The following DCC variants were observed in gnomAD, a reference collection of about 807,000 sequenced individuals.
The protein encoded by DCC is netrin receptor DCC.
In DCC, 58 loss-of-function variants were observed where a neutral mutation model predicts 172.5. The ratio of observed to expected loss-of-function variants is 0.34; its 90% CI spans 0.27 to 0.42. DCC has a LOEUF of 0.42. Among genes scored for constraint, DCC ranks in the 10% least tolerant of loss-of-function variants. DCC has a pLI of 1.00. For missense variants in DCC, 1,740 were observed against 1,791.0 expected (o/e 0.97, Z 0.51); for synonymous variants, 709 against 644.5 (o/e 1.10, Z -1.52).
intron 21 of DCC, among the ~76,000 whole-genome samples, chr18:53,432,923 G>C (rs183528814): frequency 7.3e-4 from 111 of 152,192 alleles, no homozygotes; most frequent in African/African-American, 2.5e-3. Context: ...AATGGGTTTT[G>C]TGGTTTTTTG....
At chr18:52,689,739 G>A (rs1040870769) in intron 1 of DCC, among the ~76,000 whole-genome samples, 1 of 152,054 alleles carries the variant, frequency 6.6e-6, no homozygotes, top group African/African-American at 2.4e-5. Flanking sequence ...TAATATTACT[G>A]GTCTCATGTT....
In DCC at chr18:52,752,134, C is replaced by T; in HGVS notation, c.172C>T (p.Leu58Phe). 2 of 1,614,154 alleles carry T rather than the reference C, an allele frequency of 1.2e-6. No homozygotes were observed. Among genetic ancestry groups the T allele is most frequent in the South Asian group, 1.1e-5 (1 of 91,080 alleles). Reference protein sequence around the residue: ...DAVTMRGGNVLLDCSAESDRG... With the variant: ...DAVTMRGGNVFLDCSAESDRG... ...CGTCACAATGCGGGGAGGAAATGTC[C>T]TCCTCGACTGCTCCGCGGAGTCCGA... Residue 58 changes from leucine to phenylalanine, a missense_variant, in exon 2 of 29, where the codon CTC becomes TTC. Coordinates refer to ENST00000442544, the MANE Select transcript of DCC (RefSeq NM_005215.4).
intron 2 of DCC, among the ~76,000 whole-genome samples, chr18:52,807,686 T>C (rs540981506): frequency 2.0e-5 from 3 of 152,332 alleles, no homozygotes; most frequent in Admixed American, 2.0e-4. Context: ...CATATTCTTC[T>C]CTTTTTGCCT....
intron 13 of DCC, among the ~76,000 whole-genome samples, chr18:53,313,100 G>C (rs2057301448): frequency 1.3e-5 from 2 of 149,620 alleles, no homozygotes; most frequent in Admixed American, 1.3e-4. Context: ...GGAAGGGAGG[G>C]AAGGAAAGAA....
At chr18:52,863,816 A>G (rs139169719) in intron 2 of DCC, among the ~76,000 whole-genome samples, 120 of 152,152 alleles carry the variant, frequency 7.9e-4, no homozygotes, top group African/African-American at 2.7e-3. Context: ...TCATTTTTGT[A>G]TTACTGTCTG....
Position 52,752,083 on chromosome 18 carries a change from C to G in DCC, c.121C>G (p.Arg41Gly), listed in dbSNP as rs962808767. ...GFQIKAFTAL[R>G]FLSEPSDAVT... Reference sequence around the variant, plus strand: ...TCAAATTAAAGCTTTCACAGCACTGCGCTTCCTCTCAGAACCTTCTGATGC... The same window carrying G: ...TCAAATTAAAGCTTTCACAGCACTGGGCTTCCTCTCAGAACCTTCTGATGC... The change falls in exon 2 of 29, where the codon CGC becomes GGC. Residue 41 changes from arginine (R) to glycine (G), a missense_variant. Physicochemically the swap from Arg to Gly is moderately radical, Grantham distance 125 (BLOSUM62 -2). Transcript: ENST00000442544. 1.1e-5 allele frequency: 17 copies of G among 1,613,976 alleles called. No individual in the cohort carries two copies. Among genetic ancestry groups the G allele is most frequent in the Non-Finnish European group, 1.4e-5 (16 of 1,180,012 alleles).
At chr18:53,478,286 G>A (rs185339428) in intron 25 of DCC, among the ~76,000 whole-genome samples, 2 of 152,268 alleles carry the variant, frequency 1.3e-5, no homozygotes, top group Admixed American at 6.5e-5. Flanking sequence ...TTGGGTGAGC[G>A]ACTTAATTTG....
At chr18:53,015,306 A>G (rs1307878291) in intron 5 of DCC, among the ~76,000 whole-genome samples, 1 of 152,238 alleles carries the variant, frequency 6.6e-6, no homozygotes, top group Non-Finnish European at 1.5e-5. Flanking sequence ...AGAGAGTTTT[A>G]GAATGAACAT....
intron 1 of DCC, among the ~76,000 whole-genome samples, chr18:52,585,683 A>G (rs2033652579): frequency 6.6e-6 from 1 of 152,172 alleles, no homozygotes. Context: ...TCCCTCACCC[A>G]ATAATTAAAG....
At chr18:52,420,995 A>G (rs62083537) in intron 1 of DCC, among the ~76,000 whole-genome samples, 7,141 of 152,238 alleles carry the variant, frequency 0.047, 243 homozygotes, top group Non-Finnish European at 0.07. Flanking sequence ...CAGTGAATTC[A>G]GGACCTTGGT....
intron 27 of DCC, among the ~76,000 whole-genome samples, chr18:53,511,313 T>G (rs1461376840): frequency 6.6e-6 from 1 of 152,222 alleles, no homozygotes; most frequent in East Asian, 1.9e-4. Flanking sequence ...TCTTCCTCCC[T>G]CCCTGACTAC....
intron 8 of DCC, among the ~76,000 whole-genome samples, chr18:53,163,356 A>G (rs1568339913): frequency 1.3e-5 from 2 of 152,214 alleles, no homozygotes; most frequent in Non-Finnish European, 2.9e-5. Flanking sequence ...AAAAAAGTTG[A>G]TATTAAAATT....
intron 5 of DCC, among the ~76,000 whole-genome samples, chr18:52,987,110 CCG>C (rs1299844202): frequency 6.6e-5 from 10 of 152,138 alleles, no homozygotes; most frequent in African/African-American, 2.2e-4. Flanking sequence ...GCGTGAGACT[CCG>C]CGCCTGGCCC....
At chr18:53,152,362 C>T (rs10502959) in intron 7 of DCC, among the ~76,000 whole-genome samples, 47,147 of 151,890 alleles carry the variant, frequency 0.31, 9,151 homozygotes, top group East Asian at 0.59. Context: ...TGTATAATAA[C>T]GTGTGACAGA....
At chr18:52,782,140 G>T (rs1219654374) in intron 2 of DCC, among the ~76,000 whole-genome samples, 2 of 152,158 alleles carry the variant, frequency 1.3e-5, no homozygotes, top group Non-Finnish European at 2.9e-5. Flanking sequence ...GCACAAAGGT[G>T]CTTCCTAAAC....
chr18:52,826,115 A>G (rs2038504354), intron 2 of DCC, among the ~76,000 whole-genome samples: 1 of 152,216 alleles, frequency 6.6e-6, no homozygotes, highest in Non-Finnish European at 1.5e-5. Flanking sequence ...TTTACTGAAG[A>G]TGCTATTTTA....
chr18:52,753,597 C>A (rs1360414118), intron 2 of DCC, among the ~76,000 whole-genome samples: 5 of 152,110 alleles, frequency 3.3e-5, no homozygotes, highest in African/African-American at 1.2e-4. Flanking sequence ...ATATACATGT[C>A]AAGTAAGAAA....
chr18:53,404,736 T>TA (rs200727399), intron 19 of DCC, among the ~76,000 whole-genome samples: 1 of 83,864 alleles, frequency 1.2e-5, no homozygotes, highest in Non-Finnish European at 3.5e-5. Flanking sequence ...GTCTCAAAAA[T>TA]AAAAAAATAA....
chr18:52,378,310 GAAAA>G (rs372325684), intron 1 of DCC, among the ~76,000 whole-genome samples: 1 of 140,272 alleles, frequency 7.1e-6, no homozygotes, highest in Non-Finnish European at 1.6e-5. Flanking sequence ...GATCTCTAAA[GAAAA>G]AAAAAAAACT....
Sources: gnomAD v4.1 joint callset for allele counts (sites outside exome capture counted in the v4.1 genomes callset) on GRCh38, gnomAD v4.1.1 for gene constraint, MANE v1.5 for transcripts, NCBI Gene and HGNC (gene_info 2026-07-23, HGNC 2026-07-21) for gene names.